COL5A1: variants seen among roughly 807,000 people sequenced by gnomAD.
COL5A1 encodes the protein collagen alpha-1(V) chain.
COL5A1 carries 16 observed loss-of-function variants against 263.7 expected under a neutral mutation model. The ratio of observed to expected loss-of-function variants is 0.06; its 90% confidence interval spans 0.04 to 0.09. COL5A1 has a LOEUF of 0.09. COL5A1 is among the 10% of genes least tolerant of loss of function. The probability of loss-of-function intolerance (pLI) is 1.00; values close to 1 mark genes in which losing one functional copy is unlikely to be tolerated. For missense variants in COL5A1, 2,036 were observed against 2,540.5 expected, an observed-to-expected ratio of 0.80 and a Z score of 4.27; for synonymous variants, 1,012 against 1,004.5, an observed-to-expected ratio of 1.01 and a Z score of -0.14.
At chr9:134,759,920 T>C (rs368213595) in intron 18 of COL5A1, among the ~76,000 whole-genome samples, 2,214 of 52,456 alleles carry the variant, frequency 0.042, 43 homozygotes, top group East Asian at 0.13. Context: ...CCCACACTCA[T>C]ACATGCACAC....
rs1350340756 is a variant in COL5A1 at position 134,753,724 on chromosome 9, T to C, written c.1720-126T>C. 9.6e-6 allele frequency: 7 copies of C among 728,412 alleles called. No individual in the cohort carries two copies. In the Admixed American group the frequency reaches 1.4e-4, roughly 14 times the overall value. 45.1% of individuals were successfully genotyped at this position (728,412 alleles called of 1,614,324 possible). A position where few individuals can be genotyped will look rare whatever the true frequency, so the allele number is the denominator to read the frequency against. Reference sequence around the variant, plus strand: ...TGTTCGAGGCAGACAGGTCGCGCTTTGTGTGCTGAGCACCGTGGCCGAAGC... The same window carrying C: ...TGTTCGAGGCAGACAGGTCGCGCTTCGTGTGCTGAGCACCGTGGCCGAAGC... On this transcript the variant is annotated intron_variant, in intron 14 of 65. Coordinates refer to ENST00000371817, the MANE Select transcript of COL5A1 (RefSeq NM_000093.5).
At chr9:134,731,788 C>T in intron 8 of COL5A1, 125 bp downstream of exon 8, 2 of 1,106,442 alleles carry the variant, frequency 1.8e-6, no homozygotes, top group South Asian at 1.6e-5. Flanking sequence ...ACACCCTATT[C>T]CCAAAACTTT....
intron 4 of COL5A1, among the ~76,000 whole-genome samples, chr9:134,714,783 G>A (rs1834200980): frequency 6.8e-6 from 1 of 147,724 alleles, no homozygotes; most frequent in African/African-American, 2.5e-5. Context: ...TGAAGGTGGT[G>A]GTGGAGGTGA....
At chr9:134,739,195 A>G (rs1248134359) in intron 11 of COL5A1, among the ~76,000 whole-genome samples, 1 of 152,170 alleles carries the variant, frequency 6.6e-6, no homozygotes, top group Non-Finnish European at 1.5e-5. Flanking sequence ...GGGTTTGGGA[A>G]CTTCCTTGGT....
intron 1 of COL5A1, among the ~76,000 whole-genome samples, chr9:134,684,006 C>G (rs1832937964): frequency 1.3e-5 from 2 of 152,328 alleles, no homozygotes; most frequent in South Asian, 4.1e-4. Context: ...CTGCGTCACT[C>G]AAGAGGGTGG....
chr9:134,788,913 C>T (rs1248415428), intron 31 of COL5A1, among the ~76,000 whole-genome samples: 2 of 123,676 alleles, frequency 1.6e-5, no homozygotes, highest in Admixed American at 8.5e-5. Flanking sequence ...GACAGGTAGA[C>T]GGATGAATGG....
rs76579401 is a variant in COL5A1, at chr9:134,758,371, C to T, written c.1935+75C>T. The T allele has an allele frequency of 8.8e-4, 1,282 of 1,463,002 alleles. 7 individuals carry two copies. In the African/African-American group the frequency reaches 0.015, roughly 18 times the overall value. The allele number at this position is 1,463,002 out of a possible 1,614,324, so 90.6% of individuals were successfully genotyped here. On this transcript the variant is annotated intron_variant, in intron 18 of 65. Transcript: ENST00000371817. This position sits in a 1 kb window ranked among gnomAD's most constrained non-coding sequence, Gnocchi z 4.1. ...GTCTCTCGGGAGGCCCTTCTCCTTC[C>T]AGGCAGCCTCAGATTTCCTGTGGGG...
Position 134,824,665 on chromosome 9 carries a change from C to T in COL5A1, c.4764C>T (p.Asp1588=), listed in dbSNP as rs144672706. The T allele has an allele frequency of 3.3e-5, 54 of 1,614,194 alleles. No individual in the cohort carries two copies. The highest frequency in any genetic ancestry group is 1.3e-4 in the African/African-American group (10 of 75,070). The change falls in exon 62 of 66, where the codon GAC becomes GAT. Residue 1588 remains aspartate (D), a synonymous_variant. Coordinates refer to ENST00000371817, the MANE Select transcript of COL5A1 (RefSeq NM_000093.5). ...IQASRTRRNI[D]ASQLLDDGNG... is the part of the protein sequence containing the mutation. ...CATCCAGGACGCGGCGGAACATCGA[C>T]GCCAGCCAGCTGCTGGACGACGGGA...
Position 134,682,007 on chromosome 9 carries a change from C to T in COL5A1, c.110-8905C>T, listed in dbSNP as rs992950055. Among the ~76,000 whole-genome samples, 27 of 152,200 alleles carry T rather than the reference C, an allele frequency of 1.8e-4. No homozygotes were observed. Among genetic ancestry groups the T allele is most frequent in the African/African-American group, 6.3e-4 (26 of 41,520 alleles). ...TGTCTGTCCCCACAGCTGCCTTCCCCGAACCCCTGATCCCCAGCTCATTCT... is the reference window on the plus strand; with the variant it reads ...TGTCTGTCCCCACAGCTGCCTTCCCTGAACCCCTGATCCCCAGCTCATTCT... On this transcript the variant is annotated intron_variant, in intron 1 of 65. Transcript: ENST00000371817. This position sits in a 1 kb window ranked among gnomAD's most constrained non-coding sequence, Gnocchi z 5.1.
chr9:134,812,440 T>C lies in COL5A1; in HGVS notation c.3691-9T>C, dbSNP rs187584029. 1.5e-4 allele frequency: 237 copies of C among 1,614,022 alleles called. 1 individual carries two copies. Among genetic ancestry groups the C allele is most frequent in the Non-Finnish European group, 1.9e-4 (227 of 1,179,982 alleles). On this transcript the variant is annotated splice_polypyrimidine_tract_variant and intron_variant, in intron 46 of 65. Coordinates refer to ENST00000371817, the MANE Select transcript of COL5A1 (RefSeq NM_000093.5). ...AACAGCGCTTAACTGGGAAGTTTCC[T>C]GTTCTCAGGGTTTGCCAGGACCTCC... is the stretch of plus-strand genomic sequence containing the variant.
chr9:134,735,616 G>A (rs909528007), intron 9 of COL5A1, among the ~76,000 whole-genome samples: 1 of 152,170 alleles, frequency 6.6e-6, no homozygotes, highest in South Asian at 2.1e-4. Flanking sequence ...CAAGGTCCCC[G>A]CCCGCGTTGC....
In COL5A1 at chr9:134,796,581, T is replaced by G. The variant is rs3811162; in HGVS notation, c.2844+163T>G. On this transcript the variant is annotated intron_variant, in intron 35 of 65. Transcript: ENST00000371817. The stretch of plus-strand genomic sequence containing the variant: ...CCAAGGGTGGGTCACGCCCTGGGAG[T>G]GAACTCTTCCGTAGGTCAGGGGCCT... Among the ~76,000 whole-genome samples the G allele has an allele frequency of 0.66, 100,671 of 152,050 alleles. 34,487 individuals are homozygous for G. Among genetic ancestry groups the G allele is most frequent in the African/African-American group, 0.85 (35,095 of 41,516 alleles).
In COL5A1 at chr9:134,817,767, G is replaced by C. The variant is rs1838818636; in HGVS notation, c.4177-11G>C. On this transcript the variant is annotated splice_polypyrimidine_tract_variant and intron_variant, in intron 53 of 65. Coordinates refer to ENST00000371817, the MANE Select transcript of COL5A1 (RefSeq NM_000093.5). Reference sequence around the variant, plus strand: ...CACACTCACCACCTGCTGTTCTCTTGCTTCTTTCAGGGTCCCCCAGGCCCC... The same window carrying C: ...CACACTCACCACCTGCTGTTCTCTTCCTTCTTTCAGGGTCCCCCAGGCCCC... 6.2e-7 allele frequency: 1 copy of C among 1,611,494 alleles called. No homozygotes were observed. The highest frequency in any genetic ancestry group is 8.5e-7 in the Non-Finnish European group (1 of 1,178,968).
chr9:134,757,664 C>G lies in COL5A1; in HGVS notation c.1882-579C>G, dbSNP rs1367476669. On this transcript the variant is annotated intron_variant, in intron 17 of 65. Transcript: ENST00000371817. The surrounding 1 kb of genome is among the most constrained non-coding windows in gnomAD (Gnocchi z 6.2). The stretch of plus-strand genomic sequence containing the variant: ...CTTCTTTCAACAACATGGCTGAAAG[C>G]CTAAAATGTCCCATCATCGACATCA... Among the ~76,000 whole-genome samples the G allele has an allele frequency of 6.6e-6, 1 of 152,144 alleles. No individual in the cohort carries two copies. The highest frequency in any genetic ancestry group is 2.4e-5 in the African/African-American group (1 of 41,422).
intron 9 of COL5A1, among the ~76,000 whole-genome samples, chr9:134,737,998 T>A (rs1372021915): frequency 1.3e-5 from 2 of 152,136 alleles, no homozygotes; most frequent in Non-Finnish European, 2.9e-5. Flanking sequence ...GGCCTGACGG[T>A]GGTCCTGGCT....
intron 4 of COL5A1, among the ~76,000 whole-genome samples, chr9:134,715,039 G>A (rs1183869334): frequency 6.6e-6 from 1 of 151,974 alleles, no homozygotes; most frequent in Non-Finnish European, 1.5e-5. Flanking sequence ...AAGAAAAATG[G>A]GCCCAGGGGA....
At position 134,765,822 on chromosome 9, in the gene COL5A1, C is replaced by A; in HGVS notation, c.2088+88C>A. Reference sequence around the variant, plus strand: ...GCCGGTGGACGCTTGGGCACTGGGGCAGCAAGTCCGTGCTGGCCCCTCTGG... The same window carrying A: ...GCCGGTGGACGCTTGGGCACTGGGGAAGCAAGTCCGTGCTGGCCCCTCTGG... On this transcript the variant is annotated intron_variant, in intron 21 of 65. Transcript: ENST00000371817. The surrounding 1 kb of genome is among the most constrained non-coding windows in gnomAD (Gnocchi z 5.1). 2.6e-6 allele frequency: 3 copies of A among 1,169,102 alleles called. No homozygotes were observed. The highest frequency in any genetic ancestry group is 1.3e-5 in the South Asian group (1 of 74,100). The allele number at this position is 1,169,102 out of a possible 1,614,324, so 72.4% of individuals were successfully genotyped here.
At chr9:134,817,969 C>A in intron 54 of COL5A1, 138 bp downstream of exon 54, 1 of 880,808 alleles carries the variant, frequency 1.1e-6, no homozygotes, top group Non-Finnish European at 1.9e-6. Flanking sequence ...TGGCTCATGG[C>A]CTACCTGGGG....
chr9:134,685,374 CCCAT>C (rs138665013), intron 1 of COL5A1, among the ~76,000 whole-genome samples: 1 of 45,942 alleles, frequency 2.2e-5, no homozygotes, highest in Non-Finnish European at 4.5e-5. Context: ...CATCCATTCA[CCCAT>C]CCATTCATCC....
Sources: gnomAD v4.1 joint callset for allele counts (sites outside exome capture counted in the v4.1 genomes callset) on GRCh38, gnomAD v4.1.1 for gene constraint, Gnocchi (gnomAD v3.1) non-coding constraint, MANE v1.5 for transcripts, NCBI Gene and HGNC (gene_info 2026-07-23, HGNC 2026-07-21) for gene names.